MYH7: variants seen among roughly 807,000 people sequenced by gnomAD.
The protein encoded by MYH7 is myosin-7.
In MYH7, 129 loss-of-function variants were observed where a neutral mutation model predicts 225.4. The observed-to-expected ratio is 0.57, with a 90% CI of 0.50 to 0.66. The LOEUF (loss-of-function observed/expected upper bound fraction) is 0.66, where lower values mean the gene tolerates loss of function less well. Among genes scored for constraint, MYH7 ranks in the 30% least tolerant of loss-of-function variants. The probability of loss-of-function intolerance (pLI) is 0.00; values close to 1 mark genes in which losing one functional copy is unlikely to be tolerated. For missense variants in MYH7, 1,649 were observed against 2,517.0 expected, an observed-to-expected ratio of 0.66 and a Z score of 7.38; for synonymous variants, 971 against 1,007.6, an observed-to-expected ratio of 0.96 and a Z score of 0.69.
Position 23,428,227 on chromosome 14 carries a change from A to G in MYH7, c.1578+273T>C, listed in dbSNP as rs141682989. 6.6e-4 allele frequency among the ~76,000 whole-genome samples: 100 copies of G among 152,308 alleles called. 2 individuals are homozygous for G. In the South Asian group the frequency reaches 8.7e-3, roughly 13 times the overall value. The stretch of plus-strand genomic sequence containing the variant: ...CTCACACTTCCTGATCCTTGGATGC[A>G]TAAACCAGGCCCAATAAACATGCAG... On this transcript the variant is annotated intron_variant, in intron 15 of 39. Transcript: ENST00000355349.
In MYH7 at chr14:23,425,050, C is replaced by A; in HGVS notation, c.2424-26G>T. ...CTGCAGGGGCCCATTGAAAGGAGTG[C>A]TGAGCCTCCTGCCTCCTTCCTACCT... On this transcript the variant is annotated intron_variant, in intron 21 of 39. Transcript: ENST00000355349. This position sits in a 1 kb window ranked among gnomAD's most constrained non-coding sequence, Gnocchi z 4.6. 6.2e-7 allele frequency: 1 copy of A among 1,614,092 alleles called. No individual in the cohort carries two copies. The highest frequency in any genetic ancestry group is 8.5e-7 in the Non-Finnish European group (1 of 1,180,020).
At chr14:23,417,366 T>A (rs1488852413) in intron 31 of MYH7, 48 bp from the exon 32 acceptor site, 2 of 1,612,288 alleles carry the variant, frequency 1.2e-6, no homozygotes, top group East Asian at 2.2e-5. Flanking sequence ...CTCAGCCCCA[T>A]GTCCAGGGTC....
At chr14:23,424,573 G>T (rs551227103) in intron 22 of MYH7, among the ~76,000 whole-genome samples, 196 bp downstream of exon 22, 1 of 152,340 alleles carries the variant, frequency 6.6e-6, no homozygotes, top group African/African-American at 2.4e-5. Context: ...GAAAGCCTGT[G>T]CTTTTAAAAG....
chr14:23,418,156 T>G, intron 30 of MYH7, 54 bp downstream of exon 30: 1 of 1,612,964 alleles, frequency 6.2e-7, no homozygotes. Flanking sequence ...GGGGCTGGGC[T>G]GAGTCCTGCC....
rs45611033 is a variant in MYH7 at position 23,422,292 on chromosome 14, G to T, written c.3133C>A (p.Arg1045Ser). 1 of 1,614,170 alleles carries T rather than the reference G, an allele frequency of 6.2e-7. No individual in the cohort carries two copies. The change falls in exon 25 of 40, where the codon CGC (arginine) becomes AGC (serine). Residue 1045 changes from arginine (R) to serine (S), a missense_variant. Arg to Ser is a moderately radical substitution (Grantham distance 110). Transcript: ENST00000355349. ...CGCTTCGCTCGCTCCAGGTCCATGC[G>T]CACCTTCTTCTCTTGCTCCAGGGAT... ...EGSLEQEKKV[R>S]MDLERAKRKL...
At position 23,431,933 on chromosome 14, in the gene MYH7, A is replaced by G. The variant is rs915383420; in HGVS notation, c.531-64T>C. ...ACTGGAGACCAGCAAGCCTCAAATC[A>G]GGAGAGAATGCCTGGGCCTACCCGA... On this transcript the variant is annotated intron_variant, in intron 6 of 39. Coordinates refer to ENST00000355349, the MANE Select transcript of MYH7 (RefSeq NM_000257.4). 3.9e-6 allele frequency: 6 copies of G among 1,536,402 alleles called. No homozygotes were observed. The East Asian group carries it at 1.1e-4, about 29-fold the overall frequency.
Position 23,419,943 on chromosome 14 carries a change from G to A in MYH7, c.3628C>T (p.Leu1210=), listed in dbSNP as rs773954053. 1 of 1,611,164 alleles carries A rather than the reference G, an allele frequency of 6.2e-7. No individual in the cohort carries two copies. Among genetic ancestry groups the A allele is most frequent in the Non-Finnish European group, 8.5e-7 (1 of 1,178,208 alleles). ...TCCAGCTTCTGCTTCACCCGCTGCA[G>A]GTTGTCGATCTGCTCGCCCAGCTCG... The part of the protein sequence containing the change: ...VAELGEQIDN[L]QRVKQKLEKE... Residue 1210 remains leucine (L), a synonymous_variant, in exon 27 of 40, where the codon CTG becomes TTG. Transcript: ENST00000355349.
rs187073962 is a variant in MYH7, at chr14:23,413,845, C to T, written c.5704G>A (p.Glu1902Lys). The T allele has an allele frequency of 4.3e-6, 7 of 1,614,266 alleles. No homozygotes were observed. The highest frequency in any genetic ancestry group is 4.5e-5 in the East Asian group (2 of 44,892). ...GCCCGCTCCTCTGCCTCATCCAGCT[C>T]GTGCTGCACCTTGCGGAACTTGGAC... Reference protein sequence around the residue: ...NLSKFRKVQHELDEAEERADI... With the variant: ...NLSKFRKVQHKLDEAEERADI... The change falls in exon 39 of 40, where the codon GAG (glutamate) becomes AAG (lysine). Residue 1902 changes from glutamate to lysine, a missense_variant. Transcript: ENST00000355349.
chr14:23,432,894 G>A (rs1270120304), intron 4 of MYH7, 99 bp from the exon 5 acceptor site: 7 of 1,554,596 alleles, frequency 4.5e-6, no homozygotes, highest in Non-Finnish European at 6.2e-6. Context: ...AGAAGAGAAA[G>A]GAAAACCTCT....
In MYH7 at chr14:23,422,101, C is replaced by T. The variant is rs1892494315; in HGVS notation, c.3245+79G>A. 1.9e-6 allele frequency: 3 copies of T among 1,601,720 alleles called. No homozygotes were observed. The African/African-American group carries it at 4.0e-5, about 21-fold the overall frequency. On this transcript the variant is annotated intron_variant, in intron 25 of 39. Coordinates refer to ENST00000355349, the MANE Select transcript of MYH7 (RefSeq NM_000257.4). ...TGGAGGCTGCGTGAGGTTGTTGCCT[C>T]AGAGGATGGCTGTCTTGGGTCTGCT...
chr14:23,430,886 G>A lies in MYH7; in HGVS notation c.895+15C>T. 5 of 1,591,966 alleles carry A rather than the reference G, an allele frequency of 3.1e-6. No homozygotes were observed. The highest frequency in any genetic ancestry group is 4.3e-6 in the Non-Finnish European group (5 of 1,159,800). On this transcript the variant is annotated intron_variant, in intron 10 of 39. Coordinates refer to ENST00000355349, the MANE Select transcript of MYH7 (RefSeq NM_000257.4). ...CCATGGAGATAGTTGGTCTCAGTCG[G>A]TGGCTCTGACTCACCCAGCAGCTCA...
chr14:23,419,072 C>T, intron 29 of MYH7, 105 bp downstream of exon 29: 1 of 1,033,436 alleles, frequency 9.7e-7, no homozygotes, highest in South Asian at 1.3e-5. Flanking sequence ...TCTTGGAGAA[C>T]TGTTGGTCCA....
Position 23,424,828 on chromosome 14 carries a change from C to A in MYH7, c.2620G>T (p.Glu874Ter). ...TGCAGCAGGGACACCATCTTCTCCT[C>A]CAGCTCCTTGCGGCGAGCCTCGGAC... is the stretch of plus-strand genomic sequence containing the variant. ...EKSEARRKEL[E>*]EKMVSLLQEK... The change falls in exon 22 of 40, where the codon GAG becomes TAG. Residue 874 changes from glutamate to a stop codon, truncating the protein, a stop_gained. Transcript: ENST00000355349. LOFTEE classifies it high-confidence loss of function. 1.9e-6 allele frequency: 3 copies of A among 1,614,244 alleles called. No homozygotes were observed. Among genetic ancestry groups the A allele is most frequent in the Non-Finnish European group, 2.5e-6 (3 of 1,180,050 alleles).
intron 4 of MYH7, 135 bp from the exon 5 acceptor site, chr14:23,432,930 A>C: frequency 6.7e-7 from 1 of 1,484,592 alleles, no homozygotes; most frequent in Non-Finnish European, 9.3e-7. Context: ...GAGTAATGCC[A>C]GTCCCCAGAG....
In MYH7 at chr14:23,425,230, G is replaced by T; in HGVS notation, c.2423+52C>A. On this transcript the variant is annotated intron_variant, in intron 21 of 39. Coordinates refer to ENST00000355349, the MANE Select transcript of MYH7 (RefSeq NM_000257.4). This position sits in a 1 kb window ranked among gnomAD's most constrained non-coding sequence, Gnocchi z 4.6. ...AGCTTTTTTTCCTGACACTGCCCCTGAACCAGCCTGGGCCTCAGAGAAGCG... is the reference window on the plus strand; with the variant it reads ...AGCTTTTTTTCCTGACACTGCCCCTTAACCAGCCTGGGCCTCAGAGAAGCG... 1 of 1,613,990 alleles carries T rather than the reference G, an allele frequency of 6.2e-7. No individual in the cohort carries two copies. The highest frequency in any genetic ancestry group is 1.1e-5 in the South Asian group (1 of 91,062).
chr14:23,434,949 C>T (rs1893085263), intron 1 of MYH7, among the ~76,000 whole-genome samples: 1 of 152,112 alleles, frequency 6.6e-6, no homozygotes, highest in South Asian at 2.1e-4. Flanking sequence ...GCACCCCAAC[C>T]CCAGGGTGCC....
chr14:23,431,752 C>T lies in MYH7; in HGVS notation c.639+9G>A, dbSNP rs373301620. On this transcript the variant is annotated intron_variant, in intron 7 of 39. Coordinates refer to ENST00000355349, the MANE Select transcript of MYH7 (RefSeq NM_000257.4). ...TGCGGTACAGGACCTTGGAGGGCAG[C>T]AGGCCTACCTTGCCCGGGCTCTGGT... The T allele has an allele frequency of 2.5e-6, 4 of 1,614,090 alleles. No homozygotes were observed. In the South Asian group the frequency reaches 4.4e-5, roughly 18 times the overall value.
rs200921000 is a variant in MYH7, at chr14:23,413,810, G to A, written c.5739C>T (p.Ala1913=). ...CCCGCAGCTTGTTGACCTGGGACTC[G>A]GCGATGTCCGCCCGCTCCTCTGCCT... ...LDEAEERADI[A]ESQVNKLRAK... is the part of the protein sequence containing the mutation. Residue 1913 remains alanine (A), a synonymous_variant, in exon 39 of 40, where the codon GCC becomes GCT. Coordinates refer to ENST00000355349, the MANE Select transcript of MYH7 (RefSeq NM_000257.4). The A allele has an allele frequency of 5.6e-6, 9 of 1,614,224 alleles. No homozygotes were observed. The highest frequency in any genetic ancestry group is 1.6e-4 in the Middle Eastern group (1 of 6,062).
Position 23,433,285 on chromosome 14 carries a change from G to T in MYH7, c.202-58C>A, listed in dbSNP as rs1460084619. On this transcript the variant is annotated intron_variant, in intron 3 of 39. Transcript: ENST00000355349. The surrounding 1 kb of genome is among the most constrained non-coding windows in gnomAD (Gnocchi z 4.1). ...GCCTGGGCTTTCCCTCCTTCCTCAA[G>T]AGGGTTAGGAGTTGGTGAGTGACAG... 2 of 1,612,172 alleles carry T rather than the reference G, an allele frequency of 1.2e-6. No individual in the cohort carries two copies. Among genetic ancestry groups the T allele is most frequent in the Non-Finnish European group, 1.7e-6 (2 of 1,178,974 alleles).
Sources: allele counts gnomAD v4.1 joint callset (sites outside exome capture counted in the v4.1 genomes callset), GRCh38; gene constraint gnomAD v4.1.1; non-coding constraint Gnocchi (gnomAD v3.1); transcripts MANE v1.5; gene names NCBI Gene and HGNC (gene_info 2026-07-23, HGNC 2026-07-21).